The following GRID2 variants were observed in gnomAD, a reference collection of about 807,000 sequenced individuals.
GRID2 encodes the protein glutamate ionotropic receptor delta type subunit 2, also known as glutamate receptor ionotropic, delta-2.
GRID2 carries 33 observed loss-of-function variants against 114.8 expected under a neutral mutation model. The ratio of observed to expected loss-of-function variants is 0.29; its 90% CI spans 0.22 to 0.38. The LOEUF is 0.38. GRID2 is among the 10% of genes least tolerant of loss of function. The pLI is 1.00. For synonymous variants in GRID2, 505 were observed against 449.9 expected, an observed-to-expected ratio of 1.12 and a Z score of -1.55; for missense variants, 1,184 against 1,257.7, an observed-to-expected ratio of 0.94 and a Z score of 0.89.
At chr4:92,412,735 T>G (rs948977802) in intron 1 of GRID2, among the ~76,000 whole-genome samples, 3 of 152,142 alleles carry the variant, frequency 2.0e-5, no homozygotes, top group African/African-American at 7.2e-5. Flanking sequence ...CTGTTGCACT[T>G]TACAAGGCAG....
intron 2 of GRID2, among the ~76,000 whole-genome samples, chr4:92,705,265 T>C (rs972477022): frequency 6.6e-6 from 1 of 152,206 alleles, no homozygotes; most frequent in African/African-American, 2.4e-5. Context: ...ATAATCTATT[T>C]CTGACACTTA....
At chr4:92,606,818 A>G (rs1579671971) in intron 2 of GRID2, among the ~76,000 whole-genome samples, 1 of 152,030 alleles carries the variant, frequency 6.6e-6, no homozygotes. Flanking sequence ...TGTCTAATCT[A>G]ATCAGAAAGT....
At position 92,663,704 on chromosome 4, in the gene GRID2, C is replaced by T. The variant is rs373130448; in HGVS notation, c.244+73418C>T. Among the ~76,000 whole-genome samples, 124 of 151,198 alleles carry T rather than the reference C, an allele frequency of 8.2e-4. No homozygotes were observed. In the Middle Eastern group the frequency reaches 0.01, roughly 12 times the overall value. On this transcript the variant is annotated intron_variant, in intron 2 of 15. Transcript: ENST00000282020. ...GTGTACAGTTCAGTGGTCTTAAACA[C>T]ATTAATGTTGTGCATCCATCACCAC... is the stretch of plus-strand genomic sequence containing the variant.
intron 14 of GRID2, among the ~76,000 whole-genome samples, chr4:93,736,684 AATT>A (rs1454424811): frequency 6.6e-6 from 1 of 151,940 alleles, no homozygotes; most frequent in African/African-American, 2.4e-5. Flanking sequence ...ATAATAAGTC[AATT>A]ATTATTTTAG....
intron 8 of GRID2, among the ~76,000 whole-genome samples, chr4:93,307,813 A>G (rs898204983): frequency 3.3e-5 from 5 of 152,314 alleles, no homozygotes; most frequent in African/African-American, 1.2e-4. Flanking sequence ...CACAATAATC[A>G]GCATTCACAA....
rs1001012751 is a variant in GRID2, at chr4:93,711,781, T to G, written c.2361-57429T>G. Among the ~76,000 whole-genome samples the G allele has an allele frequency of 4.6e-5, 7 of 152,264 alleles. No individual in the cohort carries two copies. The East Asian group carries it at 1.4e-3, about 30-fold the overall frequency. Reference sequence around the variant, plus strand: ...CTGCTGCTGGGGCATGGGCGGGTGGTGGTGTAGACAATTCAAGACTGTCTT... The same window carrying G: ...CTGCTGCTGGGGCATGGGCGGGTGGGGGTGTAGACAATTCAAGACTGTCTT... On this transcript the variant is annotated intron_variant, in intron 14 of 15. Transcript: ENST00000282020.
chr4:92,901,338 A>G (rs1160861968), intron 2 of GRID2, among the ~76,000 whole-genome samples: 4 of 151,944 alleles, frequency 2.6e-5, no homozygotes, highest in Non-Finnish European at 4.4e-5. Flanking sequence ...GTGCTGAGCA[A>G]TTTTTCATAT....
chr4:92,924,007 C>G (rs1749596322), intron 2 of GRID2, among the ~76,000 whole-genome samples: 2 of 152,128 alleles, frequency 1.3e-5, no homozygotes, highest in South Asian at 4.1e-4. Context: ...CCCATATGTC[C>G]AACAATGATA....
intron 1 of GRID2, among the ~76,000 whole-genome samples, chr4:92,370,442 G>T (rs1378402009): frequency 1.3e-5 from 2 of 152,038 alleles, no homozygotes; most frequent in Admixed American, 6.6e-5. Context: ...ACGAGGTCAG[G>T]AGTTCAAGAC....
At chr4:92,431,261 G>A (rs1034662410) in intron 1 of GRID2, among the ~76,000 whole-genome samples, 11 of 152,098 alleles carry the variant, frequency 7.2e-5, no homozygotes, top group African/African-American at 2.6e-4. Context: ...GGCTTGTATT[G>A]TATTGCAGTA....
chr4:92,892,330 G>A (rs939666170), intron 2 of GRID2, among the ~76,000 whole-genome samples: 8 of 151,762 alleles, frequency 5.3e-5, no homozygotes, highest in Admixed American at 1.3e-4. Context: ...CTTATTCTGG[G>A]GTAAATGATG....
At chr4:93,323,108 G>A in intron 8 of GRID2, among the ~76,000 whole-genome samples, 1 of 152,060 alleles carries the variant, frequency 6.6e-6, no homozygotes, top group South Asian at 2.1e-4. Context: ...GTTTTCGTCA[G>A]GAAGTCCTTG....
Position 93,315,877 on chromosome 4 carries a change from G to A in GRID2, c.1245+77387G>A, listed in dbSNP as rs141294301. 3.3e-3 allele frequency among the ~76,000 whole-genome samples: 495 copies of A among 152,230 alleles called. 6 individuals carry two copies. The highest frequency in any genetic ancestry group is 0.011 in the African/African-American group (469 of 41,540). On this transcript the variant is annotated intron_variant, in intron 8 of 15. Coordinates refer to ENST00000282020, the MANE Select transcript of GRID2 (RefSeq NM_001510.4). ...GACACCAGGAGGTCCTTAAAGTAAT[G>A]CATTTTGATAAGTGAAATAACCCAT...
At chr4:93,077,732 A>G (rs910989705) in intron 2 of GRID2, among the ~76,000 whole-genome samples, 4 of 152,162 alleles carry the variant, frequency 2.6e-5, no homozygotes, top group Admixed American at 6.6e-5. Context: ...TATATCTTCT[A>G]TCAGCTGCCA....
chr4:92,966,644 C>A (rs998838192), intron 2 of GRID2, among the ~76,000 whole-genome samples: 2 of 151,824 alleles, frequency 1.3e-5, no homozygotes, highest in African/African-American at 4.8e-5. Context: ...TAGGAGTTCC[C>A]CTGCACAAAC....
chr4:92,749,804 A>G (rs1270647102), intron 2 of GRID2, among the ~76,000 whole-genome samples: 2 of 152,180 alleles, frequency 1.3e-5, no homozygotes, highest in Non-Finnish European at 2.9e-5. Context: ...TAGGATCAAC[A>G]GTGGAGCAGT....
intron 2 of GRID2, among the ~76,000 whole-genome samples, chr4:92,915,278 A>G (rs4441724): frequency 0.36 from 55,150 of 151,970 alleles, 10,706 homozygotes; most frequent in Middle Eastern, 0.54. Context: ...AATGCCTAAC[A>G]GCATAGATTA....
intron 13 of GRID2, among the ~76,000 whole-genome samples, chr4:93,549,369 CTG>C (rs1302929618): frequency 6.6e-6 from 1 of 152,174 alleles, no homozygotes; most frequent in East Asian, 1.9e-4. Context: ...GAATTTACAA[CTG>C]TAAAACATGT....
intron 3 of GRID2, among the ~76,000 whole-genome samples, chr4:93,096,634 A>G (rs1731250785): frequency 6.6e-6 from 1 of 152,026 alleles, no homozygotes; most frequent in Admixed American, 6.6e-5. Context: ...TGCAAATTTA[A>G]ATTACAAGGA....
Sources: gnomAD v4.1 joint callset for allele counts (sites outside exome capture counted in the v4.1 genomes callset) on GRCh38, gnomAD v4.1.1 for gene constraint, MANE v1.5 for transcripts, NCBI Gene and HGNC (gene_info 2026-07-23, HGNC 2026-07-21) for gene names.